Variants in CACNA2D1 observed in about 807,000 individuals in gnomAD.
CACNA2D1 encodes the protein voltage-dependent calcium channel subunit alpha-2/delta-1.
Under a neutral mutation model 171.5 loss-of-function variants are expected in CACNA2D1, and 53 were observed. The ratio of observed to expected loss-of-function variants is 0.31; its 90% CI spans 0.25 to 0.39. CACNA2D1 has a LOEUF of 0.39. CACNA2D1 is among the 10% of genes least tolerant of loss of function. The pLI is 1.00. For missense variants in CACNA2D1, 903 were observed against 1,299.8 expected (o/e 0.69, Z 4.69); for synonymous variants, 442 against 443.1 (o/e 1.00, Z 0.03).
intron 6 of CACNA2D1, among the ~76,000 whole-genome samples, chr7:82,091,509 G>C (rs1811159286): frequency 1.3e-5 from 2 of 152,146 alleles, no homozygotes; most frequent in Admixed American, 1.3e-4. Flanking sequence ...TCTGCACGCT[G>C]TGGAGCACAG....
intron 1 of CACNA2D1, among the ~76,000 whole-genome samples, chr7:82,425,309 G>A (rs1050504938): frequency 5.9e-5 from 9 of 152,078 alleles, no homozygotes; most frequent in Non-Finnish European, 1.3e-4. Flanking sequence ...TTTGAAAGAG[G>A]AGCAGGAAGT....
intron 20 of CACNA2D1, among the ~76,000 whole-genome samples, chr7:81,992,523 A>G (rs1034226725): frequency 1.3e-5 from 2 of 152,108 alleles, no homozygotes; most frequent in Non-Finnish European, 2.9e-5. Flanking sequence ...ATTAGAAGAA[A>G]CAATGCTTAT....
intron 3 of CACNA2D1, among the ~76,000 whole-genome samples, chr7:82,318,362 A>T (rs1815362908): frequency 6.6e-6 from 1 of 152,174 alleles, no homozygotes; most frequent in Non-Finnish European, 1.5e-5. Context: ...CACTCCTAAA[A>T]TATACTCACT....
chr7:81,983,638 A>G (rs543241372), intron 22 of CACNA2D1, among the ~76,000 whole-genome samples: 60 of 152,314 alleles, frequency 3.9e-4, no homozygotes, highest in Admixed American at 2.0e-4. Context: ...AAACATAAGC[A>G]TTTACTAATC....
chr7:81,966,999 A>T (rs756046704), intron 31 of CACNA2D1, among the ~76,000 whole-genome samples, 170 bp downstream of exon 31: 1 of 151,544 alleles, frequency 6.6e-6, no homozygotes, highest in Admixed American at 6.6e-5. Context: ...AGCACTTTAC[A>T]TTCAAAATCA....
intron 4 of CACNA2D1, among the ~76,000 whole-genome samples, chr7:82,161,277 C>T (rs1270519877): frequency 1.3e-5 from 2 of 151,986 alleles, no homozygotes; most frequent in Non-Finnish European, 2.9e-5. Context: ...GTCAAAGAGA[C>T]CTCCCTGCCC....
intron 3 of CACNA2D1, among the ~76,000 whole-genome samples, chr7:82,237,535 T>C (rs2129289341): frequency 6.6e-6 from 1 of 152,140 alleles, no homozygotes; most frequent in South Asian, 2.1e-4. Flanking sequence ...AAGTACTTCT[T>C]ATTTTATAAT....
chr7:82,133,330 G>GA lies in CACNA2D1; in HGVS notation c.396+3304dup, dbSNP rs201785784. Among the ~76,000 whole-genome samples, 1,289 of 152,228 alleles carry GA rather than the reference G, an allele frequency of 8.5e-3. 9 individuals are homozygous for GA. Among genetic ancestry groups the GA allele is most frequent in the African/African-American group, 0.03 (1,228 of 41,540 alleles). On this transcript the variant is annotated intron_variant, in intron 5 of 38. Coordinates refer to ENST00000356860, the MANE Select transcript of CACNA2D1 (RefSeq NM_000722.4). ...GAAACTTTCACAAGTCAGTGAGCCT[G>GA]AAAAAACATGGGTTTCCCATGTTGA...
chr7:82,334,251 G>A (rs904602826), intron 3 of CACNA2D1, among the ~76,000 whole-genome samples: 2 of 152,070 alleles, frequency 1.3e-5, no homozygotes, highest in Admixed American at 6.6e-5. Context: ...GAATTGATAC[G>A]ATTATTTTGG....
intron 3 of CACNA2D1, among the ~76,000 whole-genome samples, chr7:82,271,671 G>C (rs1440900007): frequency 6.6e-6 from 1 of 151,964 alleles, no homozygotes; most frequent in Non-Finnish European, 1.5e-5. Flanking sequence ...TGGAAGTTGA[G>C]AAAAAATAAG....
intron 3 of CACNA2D1, among the ~76,000 whole-genome samples, chr7:82,239,804 T>C (rs1022550115): frequency 1.3e-5 from 2 of 152,124 alleles, no homozygotes; most frequent in Non-Finnish European, 2.9e-5. Context: ...TTGGAGGTCA[T>C]TACCCTATCT....
At chr7:82,282,341 A>G (rs570437645) in intron 3 of CACNA2D1, among the ~76,000 whole-genome samples, 3 of 152,272 alleles carry the variant, frequency 2.0e-5, no homozygotes, top group Non-Finnish European at 2.9e-5. Flanking sequence ...CTGTTATTGC[A>G]GTTATGTTCG....
At chr7:82,158,532 G>A (rs1794606152) in intron 4 of CACNA2D1, among the ~76,000 whole-genome samples, 1 of 151,796 alleles carries the variant, frequency 6.6e-6, no homozygotes, top group African/African-American at 2.4e-5. Flanking sequence ...TGTTTGTTTA[G>A]CTCACATGGG....
chr7:82,443,448 G>C lies in CACNA2D1; in HGVS notation c.12C>G (p.Gly4=). The part of the protein sequence containing the change: MAA[G]CLLALTLTLF... Reference sequence around the variant, plus strand: ...GTGTCAGAGTCAAGGCCAGCAGGCAGCCAGCAGCCATCTTCGCGATCGAAG... The same window carrying C: ...GTGTCAGAGTCAAGGCCAGCAGGCACCCAGCAGCCATCTTCGCGATCGAAG... Residue 4 remains glycine, a synonymous_variant, in exon 1 of 39, where the codon GGC becomes GGG. Coordinates refer to ENST00000356860, the MANE Select transcript of CACNA2D1 (RefSeq NM_000722.4). 1 of 1,607,536 alleles carries C rather than the reference G, an allele frequency of 6.2e-7. No homozygotes were observed. Among genetic ancestry groups the C allele is most frequent in the South Asian group, 1.1e-5 (1 of 90,496 alleles).
At chr7:82,073,202 C>A (rs1808531998) in intron 7 of CACNA2D1, among the ~76,000 whole-genome samples, 1 of 152,100 alleles carries the variant, frequency 6.6e-6, no homozygotes, top group African/African-American at 2.4e-5. Context: ...AGACAGGGAC[C>A]TAGAAAACAG....
chr7:82,296,763 A>C (rs745806890), intron 3 of CACNA2D1, among the ~76,000 whole-genome samples: 12 of 152,110 alleles, frequency 7.9e-5, no homozygotes, highest in Admixed American at 3.3e-4. Context: ...TATGTAGGTG[A>C]ATATGAATTT....
chr7:82,439,825 A>G (rs1048167494), intron 1 of CACNA2D1, among the ~76,000 whole-genome samples: 1 of 151,798 alleles, frequency 6.6e-6, no homozygotes, highest in East Asian at 1.9e-4. Context: ...AGAAAAGTTT[A>G]TTAATGTTCA....
At chr7:81,995,098 G>T (rs2130779212) in intron 19 of CACNA2D1, among the ~76,000 whole-genome samples, 159 bp from the exon 20 acceptor site, 1 of 152,034 alleles carries the variant, frequency 6.6e-6, no homozygotes, top group Middle Eastern at 3.4e-3. Flanking sequence ...TGTTCTCAGG[G>T]AATTTTTTTA....
intron 5 of CACNA2D1, among the ~76,000 whole-genome samples, chr7:82,128,873 T>C (rs1790642818): frequency 6.6e-6 from 1 of 152,104 alleles, no homozygotes. Flanking sequence ...CTATCTTGTA[T>C]TGTCTTAAGG....
Sources: gnomAD v4.1 joint callset for allele counts (sites outside exome capture counted in the v4.1 genomes callset) on GRCh38, gnomAD v4.1.1 for gene constraint, MANE v1.5 for transcripts, NCBI Gene and HGNC (gene_info 2026-07-23, HGNC 2026-07-21) for gene names.